Variants in SEMA3A observed in about 807,000 individuals in gnomAD.
The protein encoded by SEMA3A is semaphorin 3A.
Under a neutral mutation model 97.9 loss-of-function variants are expected in SEMA3A, and 29 were observed. The observed-to-expected ratio is 0.30, with a 90% CI of 0.22 to 0.40. The LOEUF is 0.40. SEMA3A is among the 10% of genes least tolerant of loss of function. SEMA3A has a pLI of 1.00. For missense variants in SEMA3A, 763 were observed against 951.3 expected (o/e 0.80, Z 2.60); for synonymous variants, 321 against 323.7 (o/e 0.99, Z 0.09).
chr7:84,172,119 G>A (rs767575157), intron 1 of SEMA3A, among the ~76,000 whole-genome samples: 1 of 152,118 alleles, frequency 6.6e-6, no homozygotes, highest in Non-Finnish European at 1.5e-5. Context: ...TTAGTCATTA[G>A]TATTAAATAG....
intron 1 of SEMA3A, among the ~76,000 whole-genome samples, chr7:84,475,649 C>CT (rs748191766): frequency 3.3e-5 from 5 of 152,152 alleles, no homozygotes; most frequent in East Asian, 1.9e-4. Context: ...ATTTGCTTCA[C>CT]TTTTTTTTCC....
chr7:84,051,973 T>G (rs1244835810), intron 5 of SEMA3A, among the ~76,000 whole-genome samples: 1 of 150,932 alleles, frequency 6.6e-6, no homozygotes, highest in African/African-American at 2.4e-5. Flanking sequence ...GATAATCATG[T>G]GGTTTTTGTC....
intron 1 of SEMA3A, among the ~76,000 whole-genome samples, chr7:84,188,610 A>T (rs1455143944): frequency 1.3e-5 from 2 of 151,886 alleles, no homozygotes; most frequent in Non-Finnish European, 2.9e-5. Flanking sequence ...AGGCTACTTC[A>T]TTCTTGGTAA....
At chr7:84,340,160 C>T (rs1042014534) in intron 2 of SEMA3A, among the ~76,000 whole-genome samples, 1 of 152,054 alleles carries the variant, frequency 6.6e-6, no homozygotes, top group African/African-American at 2.4e-5. Flanking sequence ...TTTACAATTT[C>T]TGAACATGAG....
chr7:84,275,349 C>A (rs1343941056), intron 3 of SEMA3A, among the ~76,000 whole-genome samples: 1 of 152,064 alleles, frequency 6.6e-6, no homozygotes, highest in Non-Finnish European at 1.5e-5. Flanking sequence ...ATAAAAGCAT[C>A]AATGTCAATA....
At chr7:84,153,391 A>G (rs1796739095) in intron 1 of SEMA3A, among the ~76,000 whole-genome samples, 1 of 152,202 alleles carries the variant, frequency 6.6e-6, no homozygotes, top group African/African-American at 2.4e-5. Flanking sequence ...TAACATTCAG[A>G]GGAAAGGATG....
chr7:84,055,430 G>T (rs1792923290), intron 5 of SEMA3A, among the ~76,000 whole-genome samples: 1 of 152,228 alleles, frequency 6.6e-6, no homozygotes, highest in African/African-American at 2.4e-5. Flanking sequence ...AAGCCCGTCG[G>T]AAAAGGGCAG....
At chr7:84,124,553 A>G (rs1795733335) in intron 3 of SEMA3A, among the ~76,000 whole-genome samples, 1 of 152,192 alleles carries the variant, frequency 6.6e-6, no homozygotes, top group Non-Finnish European at 1.5e-5. Flanking sequence ...TACAGTGCAG[A>G]ATTTCCATCA....
Position 84,392,403 on chromosome 7 carries a change from C to T in SEMA3A, c.-245-20503G>A, listed in dbSNP as rs370600340. 1.6e-4 allele frequency among the ~76,000 whole-genome samples: 24 copies of T among 152,194 alleles called. No homozygotes were observed. In the South Asian group the frequency reaches 2.1e-3, roughly 13 times the overall value. On this transcript the variant is annotated intron_variant, in intron 1 of 3. Coordinates refer to the SEMA3A transcript ENST00000424555. ...GTTGTTGCAAATGATAAGGTATCTT[C>T]CTTGTTTTAGGCTGAATAGTATTCC...
intron 1 of SEMA3A, among the ~76,000 whole-genome samples, chr7:84,142,152 T>G (rs1796314914): frequency 6.6e-6 from 1 of 152,190 alleles, no homozygotes; most frequent in Non-Finnish European, 1.5e-5. Context: ...GTAAAGTAAG[T>G]TGTTCATAAT....
At chr7:84,416,123 A>G (rs1189736637) in intron 1 of SEMA3A, among the ~76,000 whole-genome samples, 1 of 152,098 alleles carries the variant, frequency 6.6e-6, no homozygotes, top group African/African-American at 2.4e-5. Context: ...CTATGTCCCC[A>G]CCCAAATCTC....
intron 3 of SEMA3A, among the ~76,000 whole-genome samples, chr7:84,280,379 C>T (rs2158321): frequency 0.017 from 2,640 of 152,230 alleles, 77 homozygotes; most frequent in African/African-American, 0.061. Context: ...CACTGTACCA[C>T]GGCAATTTAT....
At chr7:84,176,600 G>C (rs1193994139) in intron 1 of SEMA3A, among the ~76,000 whole-genome samples, 1 of 152,110 alleles carries the variant, frequency 6.6e-6, no homozygotes, top group African/African-American at 2.4e-5. Flanking sequence ...TGTAAACCAA[G>C]TGAATAGTTT....
intron 3 of SEMA3A, among the ~76,000 whole-genome samples, chr7:84,207,145 C>T (rs1183600288): frequency 2.0e-5 from 3 of 152,200 alleles, no homozygotes; most frequent in South Asian, 4.1e-4. Flanking sequence ...CTGCTTTAAT[C>T]GAGAGACCTC....
intron 1 of SEMA3A, among the ~76,000 whole-genome samples, chr7:84,415,992 AT>A (rs1804422337): frequency 6.6e-6 from 1 of 152,112 alleles, no homozygotes; most frequent in African/African-American, 2.4e-5. Flanking sequence ...ATAGTATTAA[AT>A]TTTATTTCCT....
chr7:84,224,956 C>T (rs1484465941), intron 3 of SEMA3A, among the ~76,000 whole-genome samples: 2 of 151,872 alleles, frequency 1.3e-5, no homozygotes, highest in Non-Finnish European at 2.9e-5. Context: ...GCTTTATAGC[C>T]CCCCCTAGTA....
intron 4 of SEMA3A, among the ~76,000 whole-genome samples, chr7:84,079,677 G>T (rs1159925167): frequency 1.5e-5 from 2 of 134,318 alleles, no homozygotes; most frequent in African/African-American, 6.1e-5. Flanking sequence ...CAGTTAGAAT[G>T]GCAATCATTA....
intron 1 of SEMA3A, among the ~76,000 whole-genome samples, chr7:84,470,814 T>C (rs1806127260): frequency 6.6e-6 from 1 of 152,072 alleles, no homozygotes; most frequent in African/African-American, 2.4e-5. Flanking sequence ...CATTCACCCA[T>C]TAGGCTGCCT....
Position 84,217,518 on chromosome 7 carries a change from T to C in SEMA3A, c.-82-22850A>G, listed in dbSNP as rs114188522. 8.1e-3 allele frequency among the ~76,000 whole-genome samples: 1,226 copies of C among 152,230 alleles called. 14 individuals carry two copies. Among genetic ancestry groups the C allele is most frequent in the African/African-American group, 0.028 (1,163 of 41,544 alleles). On this transcript the variant is annotated intron_variant, in intron 3 of 3. Transcript: ENST00000424555. ...ATAATATGGCTTACTAAATCTACCA[T>C]GTGCTGTGGTGTTTAAATGTGCTAC...
Sources: gnomAD v4.1 joint callset for allele counts (sites outside exome capture counted in the v4.1 genomes callset) on GRCh38, gnomAD v4.1.1 for gene constraint, MANE v1.5 for transcripts, NCBI Gene and HGNC (gene_info 2026-07-23, HGNC 2026-07-21) for gene names.